Variants in TUSC3 observed in about 807,000 individuals in gnomAD.
The protein encoded by TUSC3 is dolichyl-diphosphooligosaccharide--protein glycosyltransferase subunit TUSC3.
TUSC3 carries 45 observed loss-of-function variants against 44.8 expected under a neutral mutation model. The observed-to-expected ratio is 1.00, with a 90% CI of 0.79 to 1.29. The LOEUF (loss-of-function observed/expected upper bound fraction) is 1.29. Ranked by LOEUF, TUSC3 falls within the 50% of genes most tolerant of loss-of-function variation. The probability of loss-of-function intolerance (pLI) is 0.00; values close to 1 mark genes in which losing one functional copy is unlikely to be tolerated. For synonymous variants in TUSC3, 212 were observed against 152.9 expected, an observed-to-expected ratio of 1.39 and a Z score of -2.85; for missense variants, 519 against 437.9, an observed-to-expected ratio of 1.19 and a Z score of -1.65.
At chr8:15,455,828 C>G (rs898243460) in intron 1 of TUSC3, among the ~76,000 whole-genome samples, 20 of 152,310 alleles carry the variant, frequency 1.3e-4, no homozygotes, top group African/African-American at 4.6e-4. Flanking sequence ...AAAACTCAGC[C>G]ATTTTCATAA....
At chr8:15,447,949 A>C (rs554267592) in intron 1 of TUSC3, among the ~76,000 whole-genome samples, 1 of 151,314 alleles carries the variant, frequency 6.6e-6, no homozygotes, top group Non-Finnish European at 1.5e-5. Context: ...GGGTATGTAC[A>C]TTACAGTTAA....
chr8:15,685,393 C>G (rs1285683511), intron 6 of TUSC3, among the ~76,000 whole-genome samples: 6 of 151,962 alleles, frequency 3.9e-5, no homozygotes, highest in African/African-American at 1.5e-4. Flanking sequence ...TTGATGCTTT[C>G]TCACAAAATC....
At chr8:15,814,917 C>T in the TUSC3 span, among the ~76,000 whole-genome samples, 1 of 152,084 alleles carries the variant, frequency 6.6e-6, no homozygotes, top group Non-Finnish European at 1.5e-5. Context: ...CTAAATGTTG[C>T]TGAGTACGGG....
rs550411138 is a variant in TUSC3, at chr8:15,602,813, A to G, written c.139-20267A>G. Among the ~76,000 whole-genome samples, 6 of 151,590 alleles carry G rather than the reference A, an allele frequency of 4.0e-5. No individual in the cohort carries two copies. The East Asian group carries it at 9.7e-4, about 24-fold the overall frequency. ...GCGATTTTTATTATCACATGTTATT[A>G]ATTGTATTCCTTTTATACAAAGAAA... On this transcript the variant is annotated intron_variant, in intron 1 of 10. Transcript: ENST00000503731.
chr8:15,754,646 G>A (rs966308962), intron 9 of TUSC3, among the ~76,000 whole-genome samples: 3 of 152,050 alleles, frequency 2.0e-5, no homozygotes, highest in African/African-American at 7.2e-5. Flanking sequence ...CAAAGTACTT[G>A]CTTGGGTGTT....
At chr8:15,660,644 A>T (rs554815413) in intron 4 of TUSC3, among the ~76,000 whole-genome samples, 1 of 152,062 alleles carries the variant, frequency 6.6e-6, no homozygotes, top group Middle Eastern at 3.4e-3. Context: ...AATTGCCCAC[A>T]TGGTACCACT....
chr8:15,547,347 G>T (rs1353867796), intron 1 of TUSC3, among the ~76,000 whole-genome samples: 1 of 151,518 alleles, frequency 6.6e-6, no homozygotes, highest in African/African-American at 2.4e-5. Context: ...AGTTTTCTCT[G>T]CTTGGAAACA....
intron 2 of TUSC3, among the ~76,000 whole-genome samples, chr8:15,512,074 G>A (rs554422528): frequency 1.3e-3 from 191 of 152,228 alleles, no homozygotes; most frequent in African/African-American, 4.4e-3. Context: ...TTGAAAAAGA[G>A]GAACAATGTT....
At chr8:15,805,973 C>CA in the TUSC3 span, among the ~76,000 whole-genome samples, 1 of 152,044 alleles carries the variant, frequency 6.6e-6, no homozygotes, top group Non-Finnish European at 1.5e-5. Context: ...TTTACAAAAA[C>CA]AAAAAATCAG....
At chr8:15,644,732 A>G (rs1028016197) in intron 2 of TUSC3, among the ~76,000 whole-genome samples, 1 of 152,000 alleles carries the variant, frequency 6.6e-6, no homozygotes, top group Non-Finnish European at 1.5e-5. Context: ...AAGAGATATC[A>G]TTAATATTAA....
chr8:15,761,684 C>T (rs1259284794), intron 10 of TUSC3, among the ~76,000 whole-genome samples: 3 of 152,152 alleles, frequency 2.0e-5, no homozygotes, highest in African/African-American at 4.8e-5. Context: ...AGAAGTTGAT[C>T]GTGGTACCCA....
chr8:15,645,641 A>G (rs1806592569), intron 2 of TUSC3, among the ~76,000 whole-genome samples: 1 of 152,120 alleles, frequency 6.6e-6, no homozygotes, highest in South Asian at 2.1e-4. Flanking sequence ...GTTGAGTATA[A>G]ATTTCACTGA....
intron 1 of TUSC3, among the ~76,000 whole-genome samples, chr8:15,599,901 T>C (rs1563126974): frequency 6.6e-6 from 1 of 151,744 alleles, no homozygotes; most frequent in Non-Finnish European, 1.5e-5. Context: ...AATGGCTCTT[T>C]TACTTCTCCA....
chr8:15,839,042 G>A, the TUSC3 span, among the ~76,000 whole-genome samples: 1 of 152,032 alleles, frequency 6.6e-6, no homozygotes, highest in Admixed American at 6.6e-5. Flanking sequence ...ACTGAGCAGT[G>A]GTTTGTAGTT....
Position 15,643,410 on chromosome 8 carries a change from GT to G in TUSC3, c.309-7274del, listed in dbSNP as rs10662497. ...AAGCATTAATATGTTACTGTTAGTT[GT>G]TTTTTTTTTTTTAAGGAGAACCAAA... On this transcript the variant is annotated intron_variant, in intron 2 of 10. Transcript: ENST00000503731. 8.7e-3 allele frequency among the ~76,000 whole-genome samples: 1,261 copies of G among 144,722 alleles called. 22 individuals are homozygous for G. The highest frequency in any genetic ancestry group is 0.03 in the African/African-American group (1,167 of 39,210). 94.9% of individuals were successfully genotyped at this position (144,722 alleles called of 152,430 possible). A position where few individuals can be genotyped will look rare whatever the true frequency, so the allele number is the denominator to read the frequency against.
intron 1 of TUSC3, among the ~76,000 whole-genome samples, chr8:15,601,359 A>G (rs1430839240): frequency 1.3e-5 from 2 of 151,816 alleles, no homozygotes; most frequent in South Asian, 2.1e-4. Flanking sequence ...TGGAAGGCCC[A>G]AGTGTCTAAA....
intron 2 of TUSC3, among the ~76,000 whole-genome samples, chr8:15,504,716 GATC>G (rs960181428): frequency 4.9e-5 from 7 of 143,904 alleles, no homozygotes; most frequent in Non-Finnish European, 1.1e-4. Context: ...GCAGTGGTGC[GATC>G]TTGGCTCACT....
chr8:15,467,732 T>C (rs1220854174), intron 1 of TUSC3, among the ~76,000 whole-genome samples: 1 of 152,200 alleles, frequency 6.6e-6, no homozygotes, highest in African/African-American at 2.4e-5. Context: ...TCTAATGTTC[T>C]TGGATATGTA....
the TUSC3 span, among the ~76,000 whole-genome samples, chr8:15,823,780 A>T: frequency 0.61 from 92,319 of 151,994 alleles, 29,322 homozygotes; most frequent in Non-Finnish European, 0.73. Context: ...TAAATCAAAC[A>T]GAGACTGGCA....
Sources: allele counts gnomAD v4.1 joint callset (sites outside exome capture counted in the v4.1 genomes callset), GRCh38; gene constraint gnomAD v4.1.1; transcripts MANE v1.5; gene names NCBI Gene and HGNC (gene_info 2026-07-23, HGNC 2026-07-21).